The following SYTL3 variants were observed in gnomAD, a reference collection of about 807,000 sequenced individuals.
SYTL3 encodes synaptotagmin like 3.
A neutral mutation model predicts 82.1 loss-of-function variants in SYTL3; 88 were observed. The ratio of observed to expected loss-of-function variants is 1.07; its 90% CI spans 0.90 to 1.28. The LOEUF is 1.28. SYTL3 is among the 50% of genes most tolerant of loss of function. SYTL3 has a pLI of 0.00. For synonymous variants in SYTL3, 311 were observed against 289.4 expected (o/e 1.07, Z -0.76); for missense variants, 831 against 757.6 (o/e 1.10, Z -1.14).
intron 2 of SYTL3, among the ~76,000 whole-genome samples, chr6:158,655,503 A>G (rs1788572753): frequency 6.6e-6 from 1 of 152,218 alleles, no homozygotes; most frequent in Admixed American, 6.5e-5. Flanking sequence ...AAATATACAA[A>G]TTAGAAAGCA....
intron 2 of SYTL3, among the ~76,000 whole-genome samples, chr6:158,654,502 G>A (rs187162496): frequency 1.6e-4 from 24 of 152,234 alleles, no homozygotes; most frequent in Middle Eastern, 3.4e-3. Context: ...ATGGCTGCCC[G>A]CGTCCCTCCC....
chr6:158,707,396 C>A, intron 7 of SYTL3, 115 bp downstream of exon 7: 1 of 719,728 alleles, frequency 1.4e-6, no homozygotes, highest in Non-Finnish European at 2.2e-6. Flanking sequence ...TGGAATGTGA[C>A]TCTTTTTTTT....
intron 6 of SYTL3, among the ~76,000 whole-genome samples, chr6:158,697,555 A>C (rs1780697050): frequency 6.6e-6 from 1 of 152,232 alleles, no homozygotes; most frequent in Non-Finnish European, 1.5e-5. Flanking sequence ...GACATCATCA[A>C]AATGAAAAAC....
rs1782201516 is a variant in SYTL3 at position 158,707,238 on chromosome 6, G to A, written c.403G>A (p.Glu135Lys). The A allele has an allele frequency of 1.2e-6, 2 of 1,613,822 alleles. No homozygotes were observed. The highest frequency in any genetic ancestry group is 1.3e-5 in the African/African-American group (1 of 74,946). The change falls in exon 7 of 18, where the codon GAG (glutamate) becomes AAG (lysine). Residue 135 changes from glutamate (E) to lysine (K), a missense_variant. Transcript: ENST00000611299. ...ATGGATATCTCTCGCAGGCAAACAT[G>A]AGACAGTTGGAGGGCAGCTCTTGCA... ...AKKFPTGGKH[E>K]TVGGQLLQSY...
At chr6:158,731,089 C>A (rs1432964902) in intron 11 of SYTL3, among the ~76,000 whole-genome samples, 1 of 151,854 alleles carries the variant, frequency 6.6e-6, no homozygotes, top group Non-Finnish European at 1.5e-5. Context: ...TCGAGACCAT[C>A]CTGGCCAACA....
In SYTL3 at chr6:158,748,587, A is replaced by G. The variant is rs554591727; in HGVS notation, c.1034+2929A>G. ...AGGCTGGGTGCTGTGGCTCACAACTATAATCCCAGCACTCTGGGAGGCCAA... is the reference window on the plus strand; with the variant it reads ...AGGCTGGGTGCTGTGGCTCACAACTGTAATCCCAGCACTCTGGGAGGCCAA... On this transcript the variant is annotated intron_variant, in intron 12 of 17. Transcript: ENST00000611299. Among the ~76,000 whole-genome samples the G allele has an allele frequency of 2.6e-5, 4 of 152,280 alleles. No individual in the cohort carries two copies. In the South Asian group the frequency reaches 8.3e-4, roughly 32 times the overall value.
intron 5 of SYTL3, among the ~76,000 whole-genome samples, chr6:158,675,476 C>T (rs1193245858): frequency 2.6e-5 from 4 of 152,020 alleles, no homozygotes; most frequent in Admixed American, 6.6e-5. Context: ...TGGAAAAAAA[C>T]GAGTATTTTG....
chr6:158,678,339 A>G (rs1360710183), intron 5 of SYTL3, among the ~76,000 whole-genome samples: 1 of 152,138 alleles, frequency 6.6e-6, no homozygotes, highest in Non-Finnish European at 1.5e-5. Context: ...TGTCAGTTGA[A>G]TGGTGAAAAT....
At chr6:158,663,543 C>T (rs978566346) in intron 4 of SYTL3, 165 bp downstream of exon 4, 1 of 985,180 alleles carries the variant, frequency 1.0e-6, no homozygotes, top group African/African-American at 1.7e-5. Context: ...AGATGATCCT[C>T]CTTATGTAAC....
chr6:158,727,996 A>T (rs1056654602), intron 11 of SYTL3, among the ~76,000 whole-genome samples: 2 of 152,232 alleles, frequency 1.3e-5, no homozygotes, highest in Admixed American at 1.3e-4. Flanking sequence ...AACCCTTGCT[A>T]TACTTTGAGA....
intron 4 of SYTL3, among the ~76,000 whole-genome samples, chr6:158,664,749 A>G (rs1789812318): frequency 6.6e-6 from 1 of 152,132 alleles, no homozygotes; most frequent in Non-Finnish European, 1.5e-5. Context: ...TGCATTTCTG[A>G]TGTCATCTTG....
In SYTL3 at chr6:158,689,010, A is replaced by G. The variant is rs114811585; in HGVS notation, c.394+6021A>G. Among the ~76,000 whole-genome samples the G allele has an allele frequency of 3.1e-3, 466 of 152,348 alleles. 2 individuals are homozygous for G. Among genetic ancestry groups the G allele is most frequent in the African/African-American group, 0.011 (455 of 41,578 alleles). ...AGTGTCCATAAATATCATTGGCTAT[A>G]TGATTTCTGATGAGTGTATCTCACC... On this transcript the variant is annotated intron_variant, in intron 6 of 17. Transcript: ENST00000611299.
At chr6:158,761,195 A>AGG (rs1349984646) in intron 15 of SYTL3, among the ~76,000 whole-genome samples, 4 of 152,004 alleles carry the variant, frequency 2.6e-5, no homozygotes, top group Non-Finnish European at 4.4e-5. Context: ...GAGGGTCCTC[A>AGG]GGGACCCTAT....
intron 6 of SYTL3, among the ~76,000 whole-genome samples, chr6:158,692,342 T>A (rs1779995131): frequency 6.7e-6 from 1 of 150,338 alleles, no homozygotes; most frequent in African/African-American, 2.4e-5. Flanking sequence ...TTCACTGTAT[T>A]TCTAATAGTT....
At chr6:158,723,651 TCTA>T (rs1784389503) in intron 10 of SYTL3, among the ~76,000 whole-genome samples, 1 of 152,346 alleles carries the variant, frequency 6.6e-6, no homozygotes, top group East Asian at 1.9e-4. Context: ...AGGACTTTCT[TCTA>T]GTAAAACTCA....
At chr6:158,681,632 C>G (rs558270357) in intron 5 of SYTL3, among the ~76,000 whole-genome samples, 2 of 152,090 alleles carry the variant, frequency 1.3e-5, no homozygotes, top group Admixed American at 6.5e-5. Context: ...GACTTGAGAT[C>G]GTGCCACTGC....
intron 2 of SYTL3, among the ~76,000 whole-genome samples, chr6:158,652,393 C>T (rs1355812169): frequency 6.6e-6 from 1 of 152,080 alleles, no homozygotes; most frequent in Non-Finnish European, 1.5e-5. Flanking sequence ...GGACTATAGG[C>T]ACCTGCCGCC....
In SYTL3 at chr6:158,666,537, C is replaced by T. The variant is rs150780633; in HGVS notation, c.329+924C>T. On this transcript the variant is annotated intron_variant, in intron 5 of 17. Transcript: ENST00000611299. ...GGGTGACTCCGTCTGCTGGGGGAGA[C>T]GGTGCACAAGGACATCACAGAACTT... is the stretch of plus-strand genomic sequence containing the variant. Among the ~76,000 whole-genome samples the T allele has an allele frequency of 3.2e-3, 489 of 152,268 alleles. 3 individuals carry two copies. Among genetic ancestry groups the T allele is most frequent in the African/African-American group, 0.011 (454 of 41,550 alleles).
At chr6:158,665,700 A>C (rs914812339) in intron 5 of SYTL3, 87 bp downstream of exon 5, 14 of 956,768 alleles carry the variant, frequency 1.5e-5, no homozygotes, top group Admixed American at 2.8e-5. Context: ...GAGAGCACTC[A>C]CTCCTCACCT....
Sources: gnomAD v4.1 joint callset for allele counts (sites outside exome capture counted in the v4.1 genomes callset) on GRCh38, gnomAD v4.1.1 for gene constraint, MANE v1.5 for transcripts, NCBI Gene and HGNC (gene_info 2026-07-23, HGNC 2026-07-21) for gene names.